Variants in SLC39A8 observed in about 807,000 individuals in gnomAD.
The protein encoded by SLC39A8 is solute carrier family 39 member 8.
SLC39A8 carries 15 observed loss-of-function variants against 40.4 expected under a neutral mutation model. The observed-to-expected ratio is 0.37, with a 90% CI of 0.25 to 0.57. The LOEUF is 0.57. SLC39A8 is among the 20% of genes least tolerant of loss of function. SLC39A8 has a pLI of 0.75. For synonymous variants in SLC39A8, 223 were observed against 221.6 expected (o/e 1.01, Z -0.06); for missense variants, 472 against 558.8 (o/e 0.84, Z 1.57).
chr4:102,304,695 G>A (rs765654637), intron 5 of SLC39A8, among the ~76,000 whole-genome samples: 7 of 150,424 alleles, frequency 4.7e-5, no homozygotes, highest in African/African-American at 7.3e-5. Context: ...GTTAGAACAC[G>A]TATACACTCT....
chr4:102,308,688 C>T (rs4699011), intron 3 of SLC39A8, among the ~76,000 whole-genome samples: 25,497 of 152,046 alleles, frequency 0.17, 2,176 homozygotes, highest in Middle Eastern at 0.24. Flanking sequence ...CTCTGCATAG[C>T]CACTTCTTTA....
chr4:102,257,465 G>C (rs531918154), downstream of SLC39A8, among the ~76,000 whole-genome samples: 11 of 152,296 alleles, frequency 7.2e-5, no homozygotes, highest in East Asian at 2.1e-3. Flanking sequence ...CTTTTCTGTA[G>C]AGAAGGCCTT....
chr4:102,267,190 G>A (rs986379199), intron 8 of SLC39A8, among the ~76,000 whole-genome samples: 1 of 151,720 alleles, frequency 6.6e-6, no homozygotes, highest in Non-Finnish European at 1.5e-5. Context: ...CATAAGACAA[G>A]ATGTACCAAC....
Position 102,304,576 on chromosome 4 carries a change from G to C in SLC39A8, c.676-95C>G, listed in dbSNP as rs1237507871. The C allele has an allele frequency of 3.0e-6, 3 of 1,005,922 alleles. No homozygotes were observed. In the African/African-American group the frequency reaches 5.0e-5, roughly 17 times the overall value. The allele number at this position is 1,005,922 out of a possible 1,614,324, so 62.3% of individuals were successfully genotyped here. A position where few individuals can be genotyped will look rare whatever the true frequency, so the allele number is the denominator to read the frequency against. ...GTTTACTGCTTTTTATTTATAAGAG[G>C]AAAATTGTATGTCTATTCTATGTGT... is the stretch of plus-strand genomic sequence containing the variant. On this transcript the variant is annotated intron_variant, in intron 5 of 8. Coordinates refer to ENST00000356736, the MANE Select transcript of SLC39A8 (RefSeq NM_001135146.2).
At chr4:102,302,627 G>C (rs548768558) in intron 6 of SLC39A8, among the ~76,000 whole-genome samples, 3 of 152,074 alleles carry the variant, frequency 2.0e-5, no homozygotes, top group South Asian at 2.1e-4. Context: ...AAGTATATAA[G>C]AACACAGGCT....
chr4:102,317,788 T>C (rs546402940), intron 2 of SLC39A8, among the ~76,000 whole-genome samples: 33 of 152,292 alleles, frequency 2.2e-4, no homozygotes, highest in African/African-American at 7.5e-4. Context: ...AAGATGCCTA[T>C]AGATAATCTC....
At chr4:102,303,693 T>G (rs1380897748) in intron 6 of SLC39A8, among the ~76,000 whole-genome samples, 2 of 151,824 alleles carry the variant, frequency 1.3e-5, no homozygotes, top group African/African-American at 4.8e-5. Flanking sequence ...CCTTTGTGCA[T>G]ATATAATTTT....
chr4:102,273,505 A>G (rs972879699), intron 6 of SLC39A8, among the ~76,000 whole-genome samples: 1 of 152,310 alleles, frequency 6.6e-6, no homozygotes. Flanking sequence ...GGGAAGGGGT[A>G]GCTGTGGGCG....
chr4:102,273,248 A>G (rs1732452470), intron 6 of SLC39A8, among the ~76,000 whole-genome samples: 2 of 152,086 alleles, frequency 1.3e-5, no homozygotes, highest in Admixed American at 1.3e-4. Flanking sequence ...GGGGCACTCG[A>G]GCTTGGTGTG....
intron 6 of SLC39A8, among the ~76,000 whole-genome samples, chr4:102,288,596 C>A (rs233813): frequency 6.6e-6 from 1 of 152,006 alleles, no homozygotes. Context: ...GCCAAACAGC[C>A]AAGCTGTGAA....
intron 2 of SLC39A8, among the ~76,000 whole-genome samples, chr4:102,330,886 A>G (rs1315569956): frequency 2.0e-5 from 3 of 152,232 alleles, no homozygotes; most frequent in African/African-American, 4.8e-5. Context: ...AAATCAATAA[A>G]CGTAATCCAT....
chr4:102,267,938 A>T lies in SLC39A8; in HGVS notation c.982T>A (p.Leu328Met), dbSNP rs1251087346. 1 of 1,614,232 alleles carries T rather than the reference A, an allele frequency of 6.2e-7. No individual in the cohort carries two copies. Among genetic ancestry groups the T allele is most frequent in the Non-Finnish European group, 8.5e-7 (1 of 1,180,042 alleles). ...DGLAIGASCT[L>M]SLLQGLSTSI... ...GTACTGAGTCCCTGAAGGAGAGACA[A>T]GGTGCAGGAAGCCCCAATCGCCAGG... The change falls in exon 7 of 9, where the codon TTG becomes ATG. Residue 328 changes from leucine (L) to methionine (M), a missense_variant. Coordinates refer to ENST00000356736, the MANE Select transcript of SLC39A8 (RefSeq NM_001135146.2).
At chr4:102,300,839 A>G (rs1733894219) in intron 6 of SLC39A8, among the ~76,000 whole-genome samples, 1 of 151,930 alleles carries the variant, frequency 6.6e-6, no homozygotes, top group African/African-American at 2.4e-5. Flanking sequence ...TATCACTTAT[A>G]TTGTAATACT....
intron 8 of SLC39A8, among the ~76,000 whole-genome samples, chr4:102,266,134 GTTTAA>G (rs1449484159): frequency 6.6e-6 from 1 of 151,538 alleles, no homozygotes; most frequent in African/African-American, 2.4e-5. Context: ...ATTTTTTGTT[GTTTAA>G]TTTAAGGATC....
intron 3 of SLC39A8, among the ~76,000 whole-genome samples, chr4:102,312,277 G>A (rs1191207883): frequency 6.6e-6 from 1 of 151,778 alleles, no homozygotes. Flanking sequence ...TTCTCCCCCC[G>A]ATCCCACTCC....
At chr4:102,308,652 T>C (rs891291262) in intron 3 of SLC39A8, among the ~76,000 whole-genome samples, 1 of 152,062 alleles carries the variant, frequency 6.6e-6, no homozygotes, top group Non-Finnish European at 1.5e-5. Flanking sequence ...GTACACAAAG[T>C]ACAGTGTGAC....
intron 2 of SLC39A8, among the ~76,000 whole-genome samples, chr4:102,334,943 C>T (rs1735606433): frequency 6.6e-6 from 1 of 152,110 alleles, no homozygotes; most frequent in Non-Finnish European, 1.5e-5. Flanking sequence ...GAGCAGGATG[C>T]CTGGAACACA....
chr4:102,297,637 C>A (rs1358113906), intron 6 of SLC39A8, among the ~76,000 whole-genome samples: 1 of 151,948 alleles, frequency 6.6e-6, no homozygotes, highest in Non-Finnish European at 1.5e-5. Context: ...TGAAAACAGG[C>A]CAGATGTGGT....
At chr4:102,338,984 T>G (rs1421498489) in intron 2 of SLC39A8, among the ~76,000 whole-genome samples, 1 of 152,218 alleles carries the variant, frequency 6.6e-6, no homozygotes, top group Non-Finnish European at 1.5e-5. Context: ...AAAGATGTGA[T>G]TTTGGGAGTT....
Sources: allele counts gnomAD v4.1 joint callset (sites outside exome capture counted in the v4.1 genomes callset), GRCh38; gene constraint gnomAD v4.1.1; transcripts MANE v1.5; gene names NCBI Gene and HGNC (gene_info 2026-07-23, HGNC 2026-07-21).